CFAP92: variants seen among roughly 807,000 people sequenced by gnomAD.
CFAP92 encodes the protein cilia and flagella associated protein 92 (putative), also known as uncharacterized protein CFAP92.
A neutral mutation model predicts 106.3 loss-of-function variants in CFAP92; 86 were observed. The ratio of observed to expected loss-of-function variants is 0.81; its 90% CI spans 0.68 to 0.97. The LOEUF is 0.97. CFAP92 is among the 50% of genes least tolerant of loss of function. CFAP92 has a pLI of 0.00. For missense variants in CFAP92, 1,204 were observed against 1,283.8 expected (o/e 0.94, Z 0.95); for synonymous variants, 477 against 506.4 (o/e 0.94, Z 0.78).
intron 4 of CFAP92, among the ~76,000 whole-genome samples, chr3:128,979,232 A>C (rs1943361620): frequency 6.6e-6 from 1 of 152,248 alleles, no homozygotes; most frequent in Non-Finnish European, 1.5e-5. Flanking sequence ...AATGCAAGTC[A>C]AAACCACAAT....
intron 12 of CFAP92, among the ~76,000 whole-genome samples, chr3:128,923,740 CAA>C (rs1256056870): frequency 6.6e-6 from 1 of 152,226 alleles, no homozygotes; most frequent in Non-Finnish European, 1.5e-5. Flanking sequence ...CTTTTGGATT[CAA>C]AGTTGTGTTC....
At chr3:128,962,594 A>G (rs1001246460) in intron 9 of CFAP92, among the ~76,000 whole-genome samples, 11 of 151,964 alleles carry the variant, frequency 7.2e-5, no homozygotes, top group Non-Finnish European at 1.3e-4. Context: ...CTTAACCCAC[A>G]AGTATAAGAG....
chr3:128,934,237 A>G (rs1196215190), intron 11 of CFAP92, among the ~76,000 whole-genome samples: 1 of 152,154 alleles, frequency 6.6e-6, no homozygotes, highest in Admixed American at 6.5e-5. Context: ...CTGCTCAATG[A>G]GGGAATGGTG....
intron 4 of CFAP92, among the ~76,000 whole-genome samples, chr3:128,987,278 T>G (rs1209287247): frequency 1.3e-5 from 2 of 152,202 alleles, no homozygotes; most frequent in Admixed American, 6.5e-5. Flanking sequence ...GTTTTCTCTT[T>G]TGTTCCTTGG....
rs746708755 is a variant in CFAP92, at chr3:128,993,139, C to G, written c.166G>C (p.Glu56Gln). 3 of 1,614,086 alleles carry G rather than the reference C, an allele frequency of 1.9e-6. No individual in the cohort carries two copies. The highest frequency in any genetic ancestry group is 1.1e-5 in the South Asian group (1 of 91,090). ...GTGCTGGCAGGCTCAGATGAGGACT[C>G]GATGCTGCTGCACGGGCGGTCAGAG... ...SDSDRPCSSI[E>Q]SSSEPASTFS... Residue 56 changes from glutamate (E) to glutamine (Q), a missense_variant, in exon 2 of 16, where the codon GAG (glutamate) becomes CAG (glutamine). Transcript: ENST00000645291.
intron 1 of CFAP92, among the ~76,000 whole-genome samples, chr3:128,999,198 G>C (rs531632331): frequency 7.2e-5 from 11 of 152,228 alleles, no homozygotes; most frequent in East Asian, 3.9e-4. Context: ...AGAACGCAAG[G>C]AGACCTCTGA....
rs1056753749 is a variant in CFAP92, at chr3:129,002,435, G to A, written n.117+139C>T. Reference sequence around the variant, plus strand: ...AGAGTCAGAGGAAGGGGAGACAGAGGGCAGCCCCACACCATCCCACTCCGC... The same window carrying A: ...AGAGTCAGAGGAAGGGGAGACAGAGAGCAGCCCCACACCATCCCACTCCGC... On this transcript the variant is annotated intron_variant and non_coding_transcript_variant, in intron 1 of 4. Transcript: ENST00000510149. 1.3e-5 allele frequency: 19 copies of A among 1,413,666 alleles called. No homozygotes were observed. The African/African-American group carries it at 1.6e-4, about 12-fold the overall frequency. 87.6% of individuals were successfully genotyped at this position (1,413,666 alleles called of 1,614,324 possible).
At chr3:129,010,664 G>A in the CFAP92 span, among the ~76,000 whole-genome samples, 19 of 152,270 alleles carry the variant, frequency 1.2e-4, no homozygotes, top group Middle Eastern at 3.4e-3. The surrounding 1 kb of genome is among the most constrained non-coding windows in gnomAD (Gnocchi z 4.3). Context: ...AACTCAGCGG[G>A]TCCAGGGTGG....
At chr3:128,965,387 G>A (rs547966287) in intron 9 of CFAP92, 124 bp downstream of exon 9, 45 of 396,808 alleles carry the variant, frequency 1.1e-4, no homozygotes, top group African/African-American at 7.4e-4. Flanking sequence ...CTCTTCACAC[G>A]GACCCGTATG....
At chr3:128,987,944 G>A (rs1170615050) in intron 3 of CFAP92, 115 bp from the exon 4 acceptor site, 3 of 792,224 alleles carry the variant, frequency 3.8e-6, no homozygotes, top group Non-Finnish European at 2.0e-6. Flanking sequence ...CCTGACTTCA[G>A]TGCCTGGTCA....
chr3:128,971,467 A>G lies in CFAP92; in HGVS notation c.1022-34T>C, dbSNP rs774411099. 7 of 1,515,394 alleles carry G rather than the reference A, an allele frequency of 4.6e-6. No individual in the cohort carries two copies. In the East Asian group the frequency reaches 1.6e-4, roughly 35 times the overall value. The allele number at this position is 1,515,394 out of a possible 1,614,324, so 93.9% of individuals were successfully genotyped here. ...TCAAACAAAGGAGATGAGCATTAAG[A>G]GGAGACTGTATCTGAGCTGCCATAT... is the stretch of plus-strand genomic sequence containing the variant. On this transcript the variant is annotated intron_variant, in intron 7 of 15. Coordinates refer to ENST00000645291, the MANE Select transcript of CFAP92 (RefSeq NM_001394090.1).
chr3:128,985,382 T>C (rs1029754287), intron 4 of CFAP92, among the ~76,000 whole-genome samples: 6 of 152,176 alleles, frequency 3.9e-5, no homozygotes, highest in Non-Finnish European at 5.9e-5. Flanking sequence ...GAGGAATCAC[T>C]TGAGCCCAGG....
At chr3:128,937,326 A>C (rs1178363156) in intron 10 of CFAP92, among the ~76,000 whole-genome samples, 1 of 150,988 alleles carries the variant, frequency 6.6e-6, no homozygotes, top group Non-Finnish European at 1.5e-5. Context: ...AAAAAAAAAA[A>C]AAAAAACCAC....
intron 9 of CFAP92, among the ~76,000 whole-genome samples, chr3:128,948,554 G>A (rs1029847321): frequency 3.9e-5 from 5 of 129,506 alleles, no homozygotes; most frequent in African/African-American, 1.5e-4. Context: ...CCCTGAGACA[G>A]GCTCTCGCTC....
intron 4 of CFAP92, among the ~76,000 whole-genome samples, chr3:128,983,545 A>G (rs1176411242): frequency 6.6e-6 from 1 of 152,204 alleles, no homozygotes; most frequent in East Asian, 1.9e-4. Flanking sequence ...TCGCATGCAC[A>G]TGGCAGCCAC....
chr3:128,994,087 T>C, upstream of CFAP92: 1 of 985,688 alleles, frequency 1.0e-6, no homozygotes, highest in Non-Finnish European at 1.2e-6. Flanking sequence ...GAGAGGAGCG[T>C]CCGCCGGTGC....
Position 128,988,806 on chromosome 3 carries a change from C to T in CFAP92, c.375G>A (p.Pro125=), listed in dbSNP as rs577201305. ...RFYHIEYFLL[P]DDEEPKKVDI... The stretch of plus-strand genomic sequence containing the variant: ...CAACTTTTTTAGGTTCTTCATCGTC[C>T]GGCAGAAGGAAATACTCAATGTGGT... The change falls in exon 3 of 16, where the codon CCG becomes CCA. Residue 125 remains proline (P), a synonymous_variant. Transcript: ENST00000645291. 30 of 1,613,642 alleles carry T rather than the reference C, an allele frequency of 1.9e-5. No individual in the cohort carries two copies. Among genetic ancestry groups the T allele is most frequent in the Middle Eastern group, 1.6e-4 (1 of 6,062 alleles).
At chr3:128,925,230 C>T (rs1324937131) in intron 12 of CFAP92, among the ~76,000 whole-genome samples, 1 of 152,192 alleles carries the variant, frequency 6.6e-6, no homozygotes, top group Non-Finnish European at 1.5e-5. Context: ...TCCACCTCAG[C>T]TCATCAGGCA....
At chr3:129,011,641 G>A in the CFAP92 span, among the ~76,000 whole-genome samples, 2 of 152,150 alleles carry the variant, frequency 1.3e-5, no homozygotes, top group Non-Finnish European at 2.9e-5. Flanking sequence ...CAAAGGGGCA[G>A]GCCTTGAAAA....
Sources: gnomAD v4.1 joint callset for allele counts (sites outside exome capture counted in the v4.1 genomes callset) on GRCh38, gnomAD v4.1.1 for gene constraint, Gnocchi (gnomAD v3.1) non-coding constraint, MANE v1.5 for transcripts, NCBI Gene and HGNC (gene_info 2026-07-23, HGNC 2026-07-21) for gene names.